The following CNTNAP5 variants were observed in gnomAD, a reference collection of about 807,000 sequenced individuals.
CNTNAP5 encodes the protein contactin associated protein family member 5.
In CNTNAP5, 72 loss-of-function variants were observed where a neutral mutation model predicts 150.2. That is an observed-to-expected ratio of 0.48 (90% confidence interval 0.40 to 0.58). CNTNAP5 has a LOEUF of 0.58. Ranked by LOEUF, CNTNAP5 falls within the 20% of genes least tolerant of loss-of-function variation. The pLI, the probability that CNTNAP5 is intolerant of heterozygous loss-of-function variation, is 0.00. For synonymous variants in CNTNAP5, 672 were observed against 619.8 expected (o/e 1.08, Z -1.25); for missense variants, 1,636 against 1,626.2 (o/e 1.01, Z -0.10).
At chr2:124,787,921 G>A (rs574100056) in intron 17 of CNTNAP5, among the ~76,000 whole-genome samples, 1 of 152,328 alleles carries the variant, frequency 6.6e-6, no homozygotes, top group South Asian at 2.1e-4. Context: ...TCTAGAATGA[G>A]GCTCAGATGA....
intron 17 of CNTNAP5, among the ~76,000 whole-genome samples, chr2:124,777,539 C>T (rs1344222433): frequency 1.3e-5 from 2 of 152,040 alleles, no homozygotes; most frequent in Non-Finnish European, 2.9e-5. Flanking sequence ...CATGCTGGCA[C>T]ATCTGGCTAA....
At chr2:124,165,426 A>C (rs1393123975) in intron 1 of CNTNAP5, among the ~76,000 whole-genome samples, 1 of 152,198 alleles carries the variant, frequency 6.6e-6, no homozygotes, top group East Asian at 1.9e-4. Context: ...TGGTTCCCTT[A>C]ACCTCTCTTT....
In CNTNAP5 at chr2:124,911,399, C is replaced by T. The variant is rs991666314; in HGVS notation, c.3656-68C>T. The T allele has an allele frequency of 2.5e-5, 29 of 1,181,380 alleles. No homozygotes were observed. In the Admixed American group the frequency reaches 5.5e-4, roughly 23 times the overall value. 73.2% of individuals were successfully genotyped at this position (1,181,380 alleles called of 1,614,324 possible). A position where few individuals can be genotyped will look rare whatever the true frequency, so the allele number is the denominator to read the frequency against. The stretch of plus-strand genomic sequence containing the variant: ...GCACAGGTGTGTCATTCCAGGTGGG[C>T]CACACTGTAGGCTTCTTGCCAGTGC... On this transcript the variant is annotated intron_variant, in intron 22 of 23. Coordinates refer to ENST00000682447, the MANE Select transcript of CNTNAP5 (RefSeq NM_001367498.1).
chr2:124,142,628 G>T (rs1217005850), intron 1 of CNTNAP5, among the ~76,000 whole-genome samples: 2 of 134,562 alleles, frequency 1.5e-5, no homozygotes, highest in Non-Finnish European at 3.2e-5. Flanking sequence ...TCTCTGGGAC[G>T]CATTCAAAGC....
rs549544889 is a variant in CNTNAP5, at chr2:124,772,212, T to C, written c.2534-587T>C. Among the ~76,000 whole-genome samples the C allele has an allele frequency of 2.6e-5, 4 of 152,242 alleles. No homozygotes were observed. The East Asian group carries it at 7.7e-4, about 29-fold the overall frequency. On this transcript the variant is annotated intron_variant, in intron 16 of 23. Coordinates refer to ENST00000682447, the MANE Select transcript of CNTNAP5 (RefSeq NM_001367498.1). ...TCTGGCTTCCATTATACAAAGATTG[T>C]TATAGAGAGGCAGAAAGAATAATGG...
chr2:124,706,789 AAGAAGAAGG>A (rs1397240391), intron 13 of CNTNAP5, among the ~76,000 whole-genome samples: 9 of 31,034 alleles, frequency 2.9e-4, no homozygotes, highest in South Asian at 1.4e-3. Context: ...GAAGAAGAAG[AAGAAGAAGG>A]AGGAGGAGGA....
At chr2:124,542,626 A>G (rs1017029054) in intron 10 of CNTNAP5, among the ~76,000 whole-genome samples, 87 of 151,548 alleles carry the variant, frequency 5.7e-4, no homozygotes, top group African/African-American at 2.0e-3. Flanking sequence ...AATCCTACCT[A>G]CTCTACGAAG....
intron 3 of CNTNAP5, among the ~76,000 whole-genome samples, chr2:124,380,044 C>G (rs1357773343): frequency 1.3e-5 from 2 of 152,006 alleles, no homozygotes; most frequent in Admixed American, 1.3e-4. Flanking sequence ...ATTCTAAACA[C>G]AGTTTATTTG....
chr2:124,526,746 T>G (rs938161359), intron 9 of CNTNAP5, among the ~76,000 whole-genome samples: 1 of 152,224 alleles, frequency 6.6e-6, no homozygotes, highest in African/African-American at 2.4e-5. Flanking sequence ...GATTTTGCTT[T>G]GCACATCACG....
At chr2:124,245,358 C>G (rs994467821) in intron 3 of CNTNAP5, among the ~76,000 whole-genome samples, 28 of 152,042 alleles carry the variant, frequency 1.8e-4, no homozygotes, top group African/African-American at 6.8e-4. Flanking sequence ...ATCTTGAGAG[C>G]TTTTCTTTTT....
chr2:124,305,888 A>G (rs1033280002), intron 3 of CNTNAP5, among the ~76,000 whole-genome samples: 3 of 152,218 alleles, frequency 2.0e-5, no homozygotes, highest in Non-Finnish European at 4.4e-5. Context: ...ACAATGGAAG[A>G]AGACAATGTT....
At chr2:124,510,376 C>CAT (rs1694546807) in intron 8 of CNTNAP5, among the ~76,000 whole-genome samples, 1 of 108,936 alleles carries the variant, frequency 9.2e-6, no homozygotes, top group Non-Finnish European at 1.9e-5. Flanking sequence ...CACACACACA[C>CAT]ACACACACAC....
At chr2:124,419,562 T>C (rs556005587) in intron 4 of CNTNAP5, among the ~76,000 whole-genome samples, 4 of 152,202 alleles carry the variant, frequency 2.6e-5, no homozygotes, top group Non-Finnish European at 5.9e-5. Context: ...CTCCTGACTT[T>C]GTGATAACAG....
At chr2:124,804,883 ACTTT>A (rs758692162) in intron 19 of CNTNAP5, among the ~76,000 whole-genome samples, 55 of 151,626 alleles carry the variant, frequency 3.6e-4, no homozygotes, top group Non-Finnish European at 7.1e-4. Context: ...TATAAAACAC[ACTTT>A]ATTTCCTTAT....
chr2:124,552,443 A>T (rs986165822), intron 10 of CNTNAP5, among the ~76,000 whole-genome samples: 2 of 152,128 alleles, frequency 1.3e-5, no homozygotes, highest in African/African-American at 4.8e-5. Flanking sequence ...TTCCAGGTGG[A>T]TTGCCCACGC....
At chr2:124,477,812 G>A (rs1693677094) in intron 7 of CNTNAP5, among the ~76,000 whole-genome samples, 1 of 151,938 alleles carries the variant, frequency 6.6e-6, no homozygotes, top group African/African-American at 2.4e-5. Flanking sequence ...ATTGGAGCAG[G>A]GGCACTACAT....
chr2:124,642,492 A>G (rs1434697093), intron 12 of CNTNAP5, among the ~76,000 whole-genome samples: 2 of 152,210 alleles, frequency 1.3e-5, no homozygotes, highest in African/African-American at 4.8e-5. Context: ...GTCCTAGCTT[A>G]GGTTCTGGTA....
intron 19 of CNTNAP5, among the ~76,000 whole-genome samples, chr2:124,852,972 G>T (rs1683187658): frequency 6.6e-6 from 1 of 152,188 alleles, no homozygotes; most frequent in Admixed American, 6.5e-5. Flanking sequence ...GAGCTTTTTG[G>T]TGAGGACAAT....
At chr2:124,788,595 C>G (rs1437834000) in intron 17 of CNTNAP5, among the ~76,000 whole-genome samples, 1 of 145,170 alleles carries the variant, frequency 6.9e-6, no homozygotes, top group Non-Finnish European at 1.5e-5. Flanking sequence ...CTTTTTCTTT[C>G]TTTCTTTCTT....
Sources: allele counts gnomAD v4.1 joint callset (sites outside exome capture counted in the v4.1 genomes callset), GRCh38; gene constraint gnomAD v4.1.1; transcripts MANE v1.5; gene names NCBI Gene and HGNC (gene_info 2026-07-23, HGNC 2026-07-21).